Variants in DOCK10 observed in about 807,000 individuals in gnomAD.
DOCK10 encodes the protein dedicator of cytokinesis protein 10.
A neutral mutation model predicts 280.1 loss-of-function variants in DOCK10; 145 were observed. That is an observed-to-expected ratio of 0.52 (90% CI 0.45 to 0.59). The LOEUF is 0.59. Among genes scored for constraint, DOCK10 ranks in the 20% least tolerant of loss-of-function variants. The probability of loss-of-function intolerance (pLI) is 0.00; values close to 1 mark genes in which losing one functional copy is unlikely to be tolerated. For missense variants in DOCK10, 2,368 were observed against 2,651.7 expected (o/e 0.89, Z 2.35); for synonymous variants, 915 against 942.2 (o/e 0.97, Z 0.53).
At chr2:224,905,968 C>T (rs1409044852) in intron 3 of DOCK10, among the ~76,000 whole-genome samples, 1 of 152,108 alleles carries the variant, frequency 6.6e-6, no homozygotes, top group African/African-American at 2.4e-5. Context: ...CCACACTTTC[C>T]TGTGCTCCAG....
At chr2:225,020,909 G>C (rs10176410) in intron 1 of DOCK10, among the ~76,000 whole-genome samples, 23,314 of 152,222 alleles carry the variant, frequency 0.15, 2,492 homozygotes, top group Non-Finnish European at 0.21. Flanking sequence ...ATGTGACATA[G>C]GATATTGTTT....
intron 2 of DOCK10, among the ~76,000 whole-genome samples, chr2:224,918,110 C>G (rs62186358): frequency 1.3e-5 from 2 of 152,050 alleles, no homozygotes; most frequent in African/African-American, 4.8e-5. Context: ...CCAAGGGCGG[C>G]GTCCTTCCCA....
At chr2:224,779,401 A>T (rs1249351963) in intron 50 of DOCK10, among the ~76,000 whole-genome samples, 1 of 152,034 alleles carries the variant, frequency 6.6e-6, no homozygotes, top group Non-Finnish European at 1.5e-5. Context: ...TTTTTAATTA[A>T]GGTGGAGTTT....
intron 48 of DOCK10, among the ~76,000 whole-genome samples, chr2:224,788,421 T>G (rs6704711): frequency 0.028 from 4,338 of 152,268 alleles, 219 homozygotes; most frequent in African/African-American, 0.095. Flanking sequence ...AAATATGTAA[T>G]TATATTTACT....
intron 1 of DOCK10, among the ~76,000 whole-genome samples, chr2:225,031,537 G>C (rs1045098229): frequency 6.6e-6 from 1 of 152,178 alleles, no homozygotes; most frequent in Admixed American, 6.5e-5. Context: ...TCCCAGGTGT[G>C]AGCAGGGAGA....
rs1694020229 is a variant in DOCK10, at chr2:224,814,845, G to T, written c.3365-481C>A. Among the ~76,000 whole-genome samples the T allele has an allele frequency of 2.6e-5, 4 of 152,144 alleles. No homozygotes were observed. In the South Asian group the frequency reaches 8.3e-4, roughly 32 times the overall value. On this transcript the variant is annotated intron_variant, in intron 30 of 55. Transcript: ENST00000258390. ...CCTATTTGTTTTCTTAAAAAAGAGG[G>T]TCATGAGCAGAATTATTCTAATTGT... is the stretch of plus-strand genomic sequence containing the variant.
chr2:224,947,212 G>A, intron 1 of DOCK10: 1 of 409,610 alleles, frequency 2.4e-6, no homozygotes, highest in Non-Finnish European at 4.1e-6. Context: ...AACACAAAAT[G>A]ACTTTGGACG....
chr2:224,824,429 CTTTTTTTTTTT>C (rs869275800), intron 27 of DOCK10, among the ~76,000 whole-genome samples: 2 of 63,602 alleles, frequency 3.1e-5, no homozygotes, highest in African/African-American at 1.5e-4. Context: ...TCAGACTCTG[CTTTTTTTTTTT>C]TTTTTTTTTT....
At chr2:224,804,906 T>A in intron 37 of DOCK10, 65 bp from the exon 38 acceptor site, 1 of 1,305,026 alleles carries the variant, frequency 7.7e-7, no homozygotes, top group Non-Finnish European at 1.0e-6. Context: ...ACTGTTCATC[T>A]AAGTATATTG....
chr2:224,800,145 A>G lies in DOCK10; in HGVS notation c.4506+6T>C, dbSNP rs371049316. 6.6e-6 allele frequency: 10 copies of G among 1,522,228 alleles called. No homozygotes were observed. In the African/African-American group the frequency reaches 9.5e-5, roughly 15 times the overall value. 94.3% of individuals were successfully genotyped at this position (1,522,228 alleles called of 1,614,324 possible). ...TTTTTGCAGAAAATGTTATCATCAT[A>G]TTCACCTGATGAGTCTGTGTGAAGA... is the stretch of plus-strand genomic sequence containing the variant. On this transcript the variant is annotated splice_donor_region_variant and intron_variant, in intron 41 of 55. Transcript: ENST00000258390.
intron 1 of DOCK10, among the ~76,000 whole-genome samples, chr2:224,964,022 G>C (rs752487570): frequency 2.9e-4 from 40 of 135,616 alleles, no homozygotes; most frequent in Admixed American, 1.8e-3. Context: ...TTTTACAATA[G>C]AGTCATTTCT....
intron 1 of DOCK10, among the ~76,000 whole-genome samples, chr2:225,034,781 A>G (rs1488679095): frequency 2.0e-5 from 3 of 152,216 alleles, no homozygotes; most frequent in Non-Finnish European, 4.4e-5. Context: ...ATCACTTTAG[A>G]TAGTAGTAAG....
intron 2 of DOCK10, among the ~76,000 whole-genome samples, chr2:224,930,285 A>G (rs1702273849): frequency 6.6e-6 from 1 of 152,118 alleles, no homozygotes; most frequent in Non-Finnish European, 1.5e-5. Flanking sequence ...CTGAAAAATG[A>G]AAATGAGGAT....
intron 1 of DOCK10, among the ~76,000 whole-genome samples, chr2:224,996,196 G>C (rs993090561): frequency 5.9e-5 from 9 of 152,236 alleles, no homozygotes; most frequent in African/African-American, 2.2e-4. Context: ...ATCAGGCACA[G>C]TGGGGCCTGG....
chr2:225,014,332 G>T (rs1379042972), intron 1 of DOCK10, among the ~76,000 whole-genome samples: 3 of 151,828 alleles, frequency 2.0e-5, no homozygotes, highest in Non-Finnish European at 4.4e-5. Context: ...GTGTTTCTGT[G>T]TTGAGAGAAA....
At chr2:224,817,361 A>G (rs1215381099) in intron 29 of DOCK10, among the ~76,000 whole-genome samples, 1 of 152,148 alleles carries the variant, frequency 6.6e-6, no homozygotes. Flanking sequence ...TGACTGCTCT[A>G]TTTTTACTCT....
intron 1 of DOCK10, among the ~76,000 whole-genome samples, chr2:224,933,934 A>C (rs894487068): frequency 6.6e-6 from 1 of 152,200 alleles, no homozygotes; most frequent in Non-Finnish European, 1.5e-5. Flanking sequence ...AGACAAGAAG[A>C]TCTTTCAAAG....
intron 1 of DOCK10, among the ~76,000 whole-genome samples, chr2:224,963,100 A>G (rs1385618028): frequency 1.3e-5 from 2 of 152,120 alleles, no homozygotes; most frequent in Admixed American, 6.6e-5. Context: ...AACCCTCTGG[A>G]TGGGCCATGC....
In DOCK10 at chr2:224,844,824, T is replaced by C; in HGVS notation, c.2497A>G (p.Ile833Val). 2 of 1,607,716 alleles carry C rather than the reference T, an allele frequency of 1.2e-6. No individual in the cohort carries two copies. The highest frequency in any genetic ancestry group is 1.7e-6 in the Non-Finnish European group (2 of 1,176,690). The change falls in exon 22 of 56, where the codon ATT becomes GTT. Residue 833 changes from isoleucine to valine, a missense_variant. Ile to Val is a conservative substitution (Grantham distance 29). Around this residue, in one of 2 missense-constraint regions of DOCK10, gnomAD observed 1,209 missense variants for 1,250.9 expected, o/e 0.97. Transcript: ENST00000258390. ...GGTTTGCCACCATCAACCCATTTAA[T>C]GTCACTCCCACCATGCTGCAAAATA... ...SASGKHGGSD[I>V]KWVDGGKPLF...
Sources: allele counts gnomAD v4.1 joint callset (sites outside exome capture counted in the v4.1 genomes callset), GRCh38; gene constraint gnomAD v4.1.1; regional missense constraint gnomAD v4.1.1; transcripts MANE v1.5; gene names NCBI Gene and HGNC (gene_info 2026-07-23, HGNC 2026-07-21).